ZNF335: variants seen among roughly 807,000 people sequenced by gnomAD.
The protein encoded by ZNF335 is NRC-interacting factor 1.
In ZNF335, 84 loss-of-function variants were observed where a neutral mutation model predicts 145.6. The ratio of observed to expected loss-of-function variants is 0.58; its 90% CI spans 0.48 to 0.69. ZNF335 has a LOEUF of 0.69. Ranked by LOEUF, ZNF335 falls within the 30% of genes least tolerant of loss-of-function variation. The pLI, the probability that ZNF335 is intolerant of heterozygous loss-of-function variation, is 0.00. For synonymous variants in ZNF335, 761 were observed against 717.0 expected (o/e 1.06, Z -0.98); for missense variants, 1,865 against 1,809.7 (o/e 1.03, Z -0.55).
Position 45,952,730 on chromosome 20 carries a change from C to G in ZNF335, c.2703-21G>C, listed in dbSNP as rs747365115. The G allele has an allele frequency of 1.9e-6, 3 of 1,610,984 alleles. No individual in the cohort carries two copies. In the Admixed American group the frequency reaches 5.0e-5, roughly 27 times the overall value. On this transcript the variant is annotated intron_variant, in intron 18 of 27. Coordinates refer to ENST00000322927, the MANE Select transcript of ZNF335 (RefSeq NM_022095.4). ...CCTCGCTGTGGGCATGGAGAAGGTT[C>G]TAGGAGAAGATGGAGGGCCACAGGA...
At position 45,962,349 on chromosome 20, in the gene ZNF335, G is replaced by A. The variant is rs1041511231; in HGVS notation, c.1534-167C>T. On this transcript the variant is annotated intron_variant, in intron 9 of 27. Coordinates refer to ENST00000322927, the MANE Select transcript of ZNF335 (RefSeq NM_022095.4). ...CAAGGGTCAAAACCTAGGAAGGCCC[G>A]GGGACTGTCCCCAGCGAGAGCACCC... 4.6e-5 allele frequency among the ~76,000 whole-genome samples: 7 copies of A among 152,320 alleles called. 1 individual carries two copies. Among genetic ancestry groups the A allele is most frequent in the Middle Eastern group, 6.8e-3 (2 of 294 alleles).
chr20:45,955,465 G>A (rs956163492), intron 17 of ZNF335, among the ~76,000 whole-genome samples: 4 of 151,298 alleles, frequency 2.6e-5, no homozygotes, highest in African/African-American at 9.7e-5. Context: ...CTTTTTACAA[G>A]GCTTCTCACC....
At chr20:45,952,031 C>T (rs535912962) in intron 20 of ZNF335, 116 bp downstream of exon 20, 5 of 1,404,546 alleles carry the variant, frequency 3.6e-6, no homozygotes, top group African/African-American at 1.4e-5. Context: ...TGACCCATCT[C>T]ATCCACTCAG....
At chr20:45,970,755 GTTTTT>G (rs5841616) in intron 2 of ZNF335, among the ~76,000 whole-genome samples, 1 of 127,876 alleles carries the variant, frequency 7.8e-6, no homozygotes, top group Non-Finnish European at 1.6e-5. Flanking sequence ...GGGCACTTGC[GTTTTT>G]TTTTTTTTTT....
chr20:45,961,939 C>G (rs1490081948), intron 10 of ZNF335, 131 bp downstream of exon 10: 2 of 731,812 alleles, frequency 2.7e-6, no homozygotes, highest in Admixed American at 2.2e-5. Context: ...CTGCTCATGC[C>G]TGTAGTGTGC....
chr20:45,962,029 C>CA, intron 10 of ZNF335, 41 bp downstream of exon 10: 1 of 1,224,618 alleles, frequency 8.2e-7, no homozygotes, highest in Non-Finnish European at 1.2e-6. Flanking sequence ...CCCACCCAAC[C>CA]TGGCCTCTCT....
In ZNF335 at chr20:45,953,695, G is replaced by A. The variant is rs2083674542; in HGVS notation, c.2696C>T (p.Pro899Leu). The A allele has an allele frequency of 6.2e-7, 1 of 1,613,912 alleles. No individual in the cohort carries two copies. Among genetic ancestry groups the A allele is most frequent in the South Asian group, 1.1e-5 (1 of 91,088 alleles). The change falls in exon 18 of 28, where the codon CCT (proline) becomes CTT (leucine). Residue 899 changes from proline to leucine, a missense_variant. Pro to Leu is a moderately conservative substitution (Grantham distance 98, BLOSUM62 -3). Coordinates refer to ENST00000322927, the MANE Select transcript of ZNF335 (RefSeq NM_022095.4). ...MEEGTSAPGT[P>L]YSEEPAGEAA... ...TGCAGGCAGCAGGTCTCACCTGTAA[G>A]GTGTGCCAGGAGCTGATGTTCCCTC...
chr20:45,952,143 C>T lies in ZNF335; in HGVS notation c.3189+4G>A, dbSNP rs961008108. 4 of 1,590,612 alleles carry T rather than the reference C, an allele frequency of 2.5e-6. No homozygotes were observed. Among genetic ancestry groups the T allele is most frequent in the Admixed American group, 1.7e-5 (1 of 57,808 alleles). ...GCAGAGACACAGGAGCAACCAGCAC[C>T]TACCCGGACCTCGGGCCACTGGCGG... On this transcript the variant is annotated splice_donor_region_variant and intron_variant, in intron 20 of 27. Coordinates refer to ENST00000322927, the MANE Select transcript of ZNF335 (RefSeq NM_022095.4).
At chr20:45,950,679 G>A in intron 20 of ZNF335, 84 bp from the exon 21 acceptor site, 1 of 1,575,166 alleles carries the variant, frequency 6.3e-7, no homozygotes, top group Non-Finnish European at 8.7e-7. Flanking sequence ...CAGCTGGTCA[G>A]GGAACCAGAC....
At chr20:45,951,184 G>A (rs2083624910) in intron 20 of ZNF335, among the ~76,000 whole-genome samples, 1 of 152,256 alleles carries the variant, frequency 6.6e-6, no homozygotes, top group African/African-American at 2.4e-5. Context: ...GAGCCACCGT[G>A]CCCGGCCCTG....
chr20:45,963,777 C>G lies in ZNF335; in HGVS notation c.1316G>C (p.Gly439Ala). 6.2e-7 allele frequency: 1 copy of G among 1,614,194 alleles called. No homozygotes were observed. Among genetic ancestry groups the G allele is most frequent in the African/African-American group, 1.3e-5 (1 of 75,056 alleles). Residue 439 changes from glycine (G) to alanine (A), a missense_variant, in exon 8 of 28, where the codon GGT becomes GCT. Physicochemically the swap from Gly to Ala is moderately conservative, Grantham distance 60 (BLOSUM62 0). Transcript: ENST00000322927. Reference sequence around the variant, plus strand: ...GCCTAGGAAGCGCCTGGAAGGTCGACCTCGGCGCCGGGGCAGAGTGTCATG... The same window carrying G: ...GCCTAGGAAGCGCCTGGAAGGTCGAGCTCGGCGCCGGGGCAGAGTGTCATG... ...DEHDTLPRRR[G>A]RPSRRFLGKK...
In ZNF335 at chr20:45,964,875, A is replaced by G. The variant is rs376429275; in HGVS notation, c.1102+753T>C. On this transcript the variant is annotated intron_variant, in intron 7 of 27. Coordinates refer to ENST00000322927, the MANE Select transcript of ZNF335 (RefSeq NM_022095.4). ...AATATGGTGAAACCCTGTCTCTACTAAAAAAATTAAGTCGGTGTGGTGGTG... is the reference window on the plus strand; with the variant it reads ...AATATGGTGAAACCCTGTCTCTACTGAAAAAATTAAGTCGGTGTGGTGGTG... Among the ~76,000 whole-genome samples, 9 of 114,238 alleles carry G rather than the reference A, an allele frequency of 7.9e-5. 1 individual carries two copies. The highest frequency in any genetic ancestry group is 2.7e-4 in the African/African-American group (9 of 33,298). 74.9% of individuals were successfully genotyped at this position (114,238 alleles called of 152,430 possible). A position where few individuals can be genotyped will look rare whatever the true frequency, so the allele number is the denominator to read the frequency against.
rs1288270236 is a variant in ZNF335 at position 45,949,511 on chromosome 20, C to T, written c.3727G>A (p.Val1243Met). The change falls in exon 25 of 28, where the codon GTG (valine) becomes ATG (methionine). Residue 1243 changes from valine (V) to methionine (M), a missense_variant. Val to Met is a conservative substitution (Grantham distance 21, BLOSUM62 1). Coordinates refer to ENST00000322927, the MANE Select transcript of ZNF335 (RefSeq NM_022095.4). Reference sequence around the variant, plus strand: ...TGGATGTGATGGCCTTCAGGGACCACAACATATTCCTGGGGGAGCAGGTGC... The same window carrying T: ...TGGATGTGATGGCCTTCAGGGACCATAACATATTCCTGGGGGAGCAGGTGC... ...VQHLLPQEYV[V>M]VPEGHHIQVQ... 3 of 1,613,620 alleles carry T rather than the reference C, an allele frequency of 1.9e-6. No homozygotes were observed. The highest frequency in any genetic ancestry group is 1.7e-6 in the Non-Finnish European group (2 of 1,179,926).
chr20:45,964,797 G>A (rs891274694), intron 7 of ZNF335, among the ~76,000 whole-genome samples: 2 of 152,226 alleles, frequency 1.3e-5, no homozygotes, highest in South Asian at 4.1e-4. Flanking sequence ...AGCACTTTGG[G>A]AGGCTGAGGT....
chr20:45,968,426 C>T, intron 3 of ZNF335, 64 bp from the exon 4 acceptor site: 1 of 1,483,248 alleles, frequency 6.7e-7, no homozygotes, highest in Non-Finnish European at 9.4e-7. Context: ...GGCCCACCCC[C>T]ATGGGCCCCA....
At position 45,952,261 on chromosome 20, in the gene ZNF335, G is replaced by T; in HGVS notation, c.3075C>A (p.Ala1025=). The change falls in exon 20 of 28, where the codon GCC becomes GCA. Residue 1025 remains alanine, a synonymous_variant. Transcript: ENST00000322927. ...TCTCAGCTCGGCCAGGGAAGGCCTC[G>T]GCACAGATCTTGCAGGAAAACTTCT... is the stretch of plus-strand genomic sequence containing the variant. ...ASKKFSCKIC[A]EAFPGRAEME... The T allele has an allele frequency of 6.2e-7, 1 of 1,613,376 alleles. No individual in the cohort carries two copies. The highest frequency in any genetic ancestry group is 8.5e-7 in the Non-Finnish European group (1 of 1,180,016).
At chr20:45,967,216 C>A (rs570193888) in intron 6 of ZNF335, 23 of 470,158 alleles carry the variant, frequency 4.9e-5, no homozygotes, top group Non-Finnish European at 3.9e-5. Context: ...ACACTCCAGT[C>A]TGAGCAACAG....
Position 45,948,840 on chromosome 20 carries a change from G to A in ZNF335, c.*113C>T. The A allele has an allele frequency of 2.6e-6, 4 of 1,518,534 alleles. No homozygotes were observed. The highest frequency in any genetic ancestry group is 3.6e-6 in the Non-Finnish European group (4 of 1,112,038). The allele number at this position is 1,518,534 out of a possible 1,614,324, so 94.1% of individuals were successfully genotyped here. On this transcript the variant is annotated 3_prime_UTR_variant, in exon 28 of 28. Coordinates refer to ENST00000322927, the MANE Select transcript of ZNF335 (RefSeq NM_022095.4). ...TCTGGCTCCCTGGGAATGAGAGGAT[G>A]CTGGCTATCCAGTATCTGGAGATCC...
At position 45,969,491 on chromosome 20, in the gene ZNF335, G is replaced by A; in HGVS notation, c.402C>T (p.Asp134=). The A allele has an allele frequency of 6.4e-7, 1 of 1,565,470 alleles. No individual in the cohort carries two copies. The highest frequency in any genetic ancestry group is 8.7e-7 in the Non-Finnish European group (1 of 1,145,668). Residue 134 remains aspartate, a synonymous_variant, in exon 3 of 28, where the codon GAC becomes GAT. Transcript: ENST00000322927. ...ASSSDLGSAI[D]KIIESTIGPD... ...GCCCGATGGTGGACTCGATGATCTT[G>A]TCGATGGCCGAGCCCAGGTCCGAGG... is the stretch of plus-strand genomic sequence containing the variant.
Sources: gnomAD v4.1 joint callset for allele counts (sites outside exome capture counted in the v4.1 genomes callset) on GRCh38, gnomAD v4.1.1 for gene constraint, MANE v1.5 for transcripts, NCBI Gene and HGNC (gene_info 2026-07-23, HGNC 2026-07-21) for gene names.